NKAIN2: variants seen among roughly 807,000 people sequenced by gnomAD.
NKAIN2 encodes sodium/potassium-transporting ATPase subunit beta-1-interacting protein 2.
In NKAIN2, 14 loss-of-function variants were observed where a neutral mutation model predicts 32.6. The observed-to-expected ratio is 0.43, with a 90% confidence interval of 0.28 to 0.67. The LOEUF (loss-of-function observed/expected upper bound fraction) is 0.67, where lower values mean the gene tolerates loss of function less well. Among genes scored for constraint, NKAIN2 ranks in the 30% least tolerant of loss-of-function variants. The probability of loss-of-function intolerance (pLI) is 0.17; values close to 1 mark genes in which losing one functional copy is unlikely to be tolerated. For missense variants in NKAIN2, 198 were observed against 258.3 expected (o/e 0.77, Z 1.60); for synonymous variants, 80 against 87.2 (o/e 0.92, Z 0.46).
At chr6:124,040,673 A>G (rs573154881) in intron 1 of NKAIN2, among the ~76,000 whole-genome samples, 1 of 152,142 alleles carries the variant, frequency 6.6e-6, no homozygotes, top group South Asian at 2.1e-4. Flanking sequence ...TAACTATGAT[A>G]TAGGTGTTTT....
intron 3 of NKAIN2, among the ~76,000 whole-genome samples, chr6:124,442,875 A>G (rs1775746582): frequency 6.6e-6 from 1 of 152,106 alleles, no homozygotes; most frequent in Admixed American, 6.6e-5. Flanking sequence ...TGTTTCTGGC[A>G]TCATAATATT....
At chr6:124,015,727 G>A in intron 1 of NKAIN2, among the ~76,000 whole-genome samples, 1 of 152,172 alleles carries the variant, frequency 6.6e-6, no homozygotes, top group East Asian at 1.9e-4. Flanking sequence ...ATCAGTCCAA[G>A]AAGTTCAGTT....
At chr6:124,774,565 C>T (rs959785600) in intron 4 of NKAIN2, among the ~76,000 whole-genome samples, 1 of 152,066 alleles carries the variant, frequency 6.6e-6, no homozygotes, top group Non-Finnish European at 1.5e-5. Flanking sequence ...AAGATACTGT[C>T]AACACCTTGG....
chr6:124,779,975 C>G (rs1412781121), intron 4 of NKAIN2, among the ~76,000 whole-genome samples: 1 of 152,158 alleles, frequency 6.6e-6, no homozygotes, highest in East Asian at 1.9e-4. Context: ...AAATTATATT[C>G]ACATACTGAT....
chr6:124,270,285 T>G (rs1030309678), intron 1 of NKAIN2, among the ~76,000 whole-genome samples: 3 of 152,208 alleles, frequency 2.0e-5, no homozygotes, highest in African/African-American at 7.2e-5. Context: ...TTACCTTGTT[T>G]TGGATTCATA....
At chr6:124,211,564 A>G (rs968052956) in intron 1 of NKAIN2, among the ~76,000 whole-genome samples, 1 of 151,964 alleles carries the variant, frequency 6.6e-6, no homozygotes, top group Non-Finnish European at 1.5e-5. Flanking sequence ...ATGATCTGTT[A>G]GATCTTGGAA....
intron 3 of NKAIN2, among the ~76,000 whole-genome samples, chr6:124,366,772 C>CA (rs1211085612): frequency 1.3e-5 from 2 of 151,492 alleles, no homozygotes; most frequent in Non-Finnish European, 2.9e-5. Flanking sequence ...ACCAAAAATA[C>CA]AAAAAATTAG....
intron 1 of NKAIN2, among the ~76,000 whole-genome samples, chr6:124,092,185 C>T (rs979134701): frequency 6.6e-6 from 1 of 152,050 alleles, no homozygotes; most frequent in African/African-American, 2.4e-5. Context: ...AATGCACTGT[C>T]AATCAATGCC....
intron 2 of NKAIN2, among the ~76,000 whole-genome samples, chr6:124,326,699 G>A (rs1797431349): frequency 6.6e-6 from 1 of 152,100 alleles, no homozygotes; most frequent in African/African-American, 2.4e-5. Context: ...AGATAGTTCT[G>A]AGATCCTGGA....
At chr6:124,355,633 G>T (rs1423017008) in intron 3 of NKAIN2, among the ~76,000 whole-genome samples, 1 of 152,040 alleles carries the variant, frequency 6.6e-6, no homozygotes, top group Non-Finnish European at 1.5e-5. Flanking sequence ...AGCAAAATGT[G>T]AATTTTTTTC....
At chr6:124,754,491 C>A (rs1450476527) in intron 4 of NKAIN2, among the ~76,000 whole-genome samples, 1 of 151,678 alleles carries the variant, frequency 6.6e-6, no homozygotes, top group Non-Finnish European at 1.5e-5. Flanking sequence ...TGATTGTTGG[C>A]CACATGAAAA....
At chr6:124,155,073 A>G (rs1582751998) in intron 1 of NKAIN2, among the ~76,000 whole-genome samples, 1 of 152,140 alleles carries the variant, frequency 6.6e-6, no homozygotes, top group East Asian at 1.9e-4. Context: ...CCTAGATTAG[A>G]AGCTATTTGA....
At chr6:124,649,683 A>G (rs1784297808) in intron 3 of NKAIN2, among the ~76,000 whole-genome samples, 1 of 152,176 alleles carries the variant, frequency 6.6e-6, no homozygotes, top group Non-Finnish European at 1.5e-5. Context: ...GTAGTCCAAT[A>G]TCCCTCATGA....
At chr6:124,174,785 G>A (rs1157663027) in intron 1 of NKAIN2, among the ~76,000 whole-genome samples, 1 of 152,210 alleles carries the variant, frequency 6.6e-6, no homozygotes, top group Non-Finnish European at 1.5e-5. Flanking sequence ...GCAGGGAAAT[G>A]TAGGCAACCT....
chr6:123,832,221 A>G (rs2114915627), intron 1 of NKAIN2, among the ~76,000 whole-genome samples: 1 of 152,334 alleles, frequency 6.6e-6, no homozygotes, highest in South Asian at 2.1e-4. Flanking sequence ...AGTTGGAATC[A>G]TACAATATGT....
intron 3 of NKAIN2, among the ~76,000 whole-genome samples, chr6:124,371,150 A>G (rs1799744270): frequency 6.6e-6 from 1 of 152,194 alleles, no homozygotes; most frequent in African/African-American, 2.4e-5. Flanking sequence ...AGTACAACTG[A>G]ATATTATTTT....
intron 1 of NKAIN2, among the ~76,000 whole-genome samples, chr6:123,893,727 A>G (rs796656992): frequency 7.0e-4 from 107 of 152,346 alleles, no homozygotes; most frequent in African/African-American, 2.4e-3. Flanking sequence ...GCAGCTATGA[A>G]GCCTTAAAAG....
chr6:124,493,705 A>AG (rs1777953848), intron 3 of NKAIN2, among the ~76,000 whole-genome samples: 1 of 54,866 alleles, frequency 1.8e-5, no homozygotes, highest in Non-Finnish European at 3.3e-5. Flanking sequence ...TCTGCACACC[A>AG]ACCCCCCCCT....
intron 3 of NKAIN2, among the ~76,000 whole-genome samples, chr6:124,536,958 A>G (rs1304837260): frequency 6.6e-6 from 1 of 152,198 alleles, no homozygotes; most frequent in African/African-American, 2.4e-5. Flanking sequence ...TATGGGAAAA[A>G]GTTGTATGGA....
Sources: gnomAD v4.1 joint callset for allele counts (sites outside exome capture counted in the v4.1 genomes callset) on GRCh38, gnomAD v4.1.1 for gene constraint, MANE v1.5 for transcripts, NCBI Gene and HGNC (gene_info 2026-07-23, HGNC 2026-07-21) for gene names.